Variants in CMYA5 observed in about 807,000 individuals in gnomAD.
CMYA5 encodes cardiomyopathy associated 5.
CMYA5 carries 246 observed loss-of-function variants against 318.9 expected under a neutral mutation model. The ratio of observed to expected loss-of-function variants is 0.77; its 90% CI spans 0.70 to 0.86. CMYA5 has a LOEUF of 0.86. CMYA5 is among the 40% of genes least tolerant of loss of function. The pLI is 0.00. For missense variants in CMYA5, 4,589 were observed against 4,678.2 expected (o/e 0.98, Z 0.56); for synonymous variants, 1,641 against 1,729.5 (o/e 0.95, Z 1.27).
chr5:79,774,245 G>A (rs796114923), intron 9 of CMYA5: 9 of 152,296 alleles, frequency 5.9e-5, no homozygotes, highest in African/African-American at 7.2e-5. Flanking sequence ...TGTGGGCACC[G>A]AGGAGGCTCG....
intron 2 of CMYA5, among the ~76,000 whole-genome samples, chr5:79,742,678 T>G (rs768152774): frequency 2.6e-5 from 4 of 152,104 alleles, no homozygotes; most frequent in Non-Finnish European, 5.9e-5. Flanking sequence ...TTTATTTTCT[T>G]CATTTACTCA....
chr5:79,735,138 G>A lies in CMYA5; in HGVS notation c.6373G>A (p.Glu2125Lys). 3 of 1,613,654 alleles carry A rather than the reference G, an allele frequency of 1.9e-6. No homozygotes were observed. The highest frequency in any genetic ancestry group is 2.2e-5 in the East Asian group (1 of 44,880). ...TGATGAGGGAAAGAAACCATCACCTGAAGTAAAAATACCCACACAAAGAAA... is the reference window on the plus strand; with the variant it reads ...TGATGAGGGAAAGAAACCATCACCTAAAGTAAAAATACCCACACAAAGAAA... Reference protein sequence around the residue: ...DADEGKKPSPEVKIPTQRKPI... With the variant: ...DADEGKKPSPKVKIPTQRKPI... Residue 2125 changes from glutamate to lysine, a missense_variant, in exon 2 of 13, where the codon GAA becomes AAA. Physicochemically the swap from Glu to Lys is moderately conservative, Grantham distance 56. Around this residue, in one of 3 missense-constraint regions of CMYA5, gnomAD observed 2,431 missense variants for 2,495.1 expected, o/e 0.97. Transcript: ENST00000446378.
At position 79,775,513 on chromosome 5, in the gene CMYA5, C is replaced by T. The variant is rs1828922748; in HGVS notation, c.11555+12304C>T. ...CAAAATTTAAATCTGAACTTACTGG[C>T]AGCTAAAGAGAAAACAGGAGAGAGG... On this transcript the variant is annotated intron_variant, in intron 9 of 12. Coordinates refer to ENST00000446378, the MANE Select transcript of CMYA5 (RefSeq NM_153610.5). Among the ~76,000 whole-genome samples the T allele has an allele frequency of 3.3e-5, 5 of 152,080 alleles. No individual in the cohort carries two copies. In the South Asian group the frequency reaches 1.0e-3, roughly 32 times the overall value.
At chr5:79,707,564 A>G (rs1248309884) in intron 1 of CMYA5, among the ~76,000 whole-genome samples, 2 of 152,242 alleles carry the variant, frequency 1.3e-5, no homozygotes, top group African/African-American at 2.4e-5. Flanking sequence ...GTGAGTTTAC[A>G]TATCTTCAAA....
chr5:79,787,836 T>G (rs1829107314), intron 9 of CMYA5, among the ~76,000 whole-genome samples: 1 of 152,220 alleles, frequency 6.6e-6, no homozygotes. Flanking sequence ...GTTTGTTTTC[T>G]GGGCCAAGAA....
chr5:79,750,650 A>G (rs1828412427), intron 5 of CMYA5, among the ~76,000 whole-genome samples: 1 of 152,242 alleles, frequency 6.6e-6, no homozygotes, highest in African/African-American at 2.4e-5. Flanking sequence ...GCTGTCAAGC[A>G]TATTTAGACT....
At chr5:79,761,386 T>C (rs576732637) in intron 7 of CMYA5, among the ~76,000 whole-genome samples, 15 of 152,354 alleles carry the variant, frequency 9.8e-5, no homozygotes, top group African/African-American at 3.1e-4. Context: ...TCTGTAAAGA[T>C]GTTTAAAAAC....
chr5:79,778,338 C>G (rs1179782691), intron 9 of CMYA5, among the ~76,000 whole-genome samples: 3 of 152,168 alleles, frequency 2.0e-5, no homozygotes, highest in Non-Finnish European at 2.9e-5. Flanking sequence ...TATTACTGAA[C>G]TGTCTCTATA....
chr5:79,737,574 T>A lies in CMYA5; in HGVS notation c.8809T>A (p.Ser2937Thr). 1 of 1,613,694 alleles carries A rather than the reference T, an allele frequency of 6.2e-7. No homozygotes were observed. Among genetic ancestry groups the A allele is most frequent in the South Asian group, 1.1e-5 (1 of 91,036 alleles). The change falls in exon 2 of 13, where the codon TCA (serine) becomes ACA (threonine). Residue 2937 changes from serine (S) to threonine (T), a missense_variant. Around this residue, in one of 3 missense-constraint regions of CMYA5, gnomAD observed 2,431 missense variants for 2,495.1 expected, o/e 0.97. Transcript: ENST00000446378. Reference protein sequence around the residue: ...FTVTSKPAGLSEDQKTAFSII... With the variant: ...FTVTSKPAGLTEDQKTAFSII... The stretch of plus-strand genomic sequence containing the variant: ...AGTGACTAGTAAGCCAGCCGGACTT[T>A]CAGAAGATCAGAAGACTGCCTTTAG...
chr5:79,702,747 A>C (rs990649296), intron 1 of CMYA5, among the ~76,000 whole-genome samples: 1 of 152,228 alleles, frequency 6.6e-6, no homozygotes, highest in Non-Finnish European at 1.5e-5. Flanking sequence ...TAAAAGGGTG[A>C]ATTTTATAGT....
At position 79,731,606 on chromosome 5, in the gene CMYA5, AG is replaced by A. The variant is rs767245588; in HGVS notation, c.2842del (p.Asp948IlefsTer31). On this transcript the variant is annotated frameshift_variant, in exon 2 of 13. Coordinates refer to ENST00000446378, the MANE Select transcript of CMYA5 (RefSeq NM_153610.5). LOFTEE classifies it high-confidence loss of function. ...AAGAAGACATTGGACCTTTTTCTCC[AG>A]ATTCTGCATTTGTGTCAGAATTCTC... Reference protein sequence around the residue: ...DQEDIGPFSPDSAFVSEFSFP... With the variant: ...DQEDIGPFSPXSAFVSEFSFP... The A allele has an allele frequency of 3.0e-5, 49 of 1,613,460 alleles. No homozygotes were observed. In the African/African-American group the frequency reaches 6.3e-4, roughly 21 times the overall value.
rs987154466 is a variant in CMYA5 at position 79,729,293 on chromosome 5, A to C, written c.528A>C (p.Val176=). Residue 176 remains valine, a synonymous_variant, in exon 2 of 13, where the codon GTA becomes GTC. Transcript: ENST00000446378. ...GTCCTTTAACTTCAGCAAGCCAGGTACTAACCACGGAGAAAGAGAAGTCAT... is the reference window on the plus strand; with the variant it reads ...GTCCTTTAACTTCAGCAAGCCAGGTCCTAACCACGGAGAAAGAGAAGTCAT... ...KGSPLTSASQ[V]LTTEKEKSYT... 1.9e-6 allele frequency: 3 copies of C among 1,611,244 alleles called. No individual in the cohort carries two copies. In the Admixed American group the frequency reaches 5.1e-5, roughly 27 times the overall value.
Position 79,760,040 on chromosome 5 carries a change from A to G in CMYA5, c.11260+1138A>G, listed in dbSNP as rs1468766200. Among the ~76,000 whole-genome samples the G allele has an allele frequency of 2.0e-5, 3 of 152,196 alleles. No individual in the cohort carries two copies. In the East Asian group the frequency reaches 5.8e-4, roughly 29 times the overall value. On this transcript the variant is annotated intron_variant, in intron 7 of 12. Coordinates refer to ENST00000446378, the MANE Select transcript of CMYA5 (RefSeq NM_153610.5). The stretch of plus-strand genomic sequence containing the variant: ...GTACATGACCGGGGGCAGGAGTCAA[A>G]CACACATCTTTCAGGCTCCAAAGTT...
At chr5:79,743,715 G>C (rs1217091915) in intron 2 of CMYA5, 112 bp from the exon 3 acceptor site, 2 of 567,410 alleles carry the variant, frequency 3.5e-6, no homozygotes, top group Non-Finnish European at 6.1e-6. Context: ...AGTGGATATA[G>C]TATAGTAAGT....
intron 12 of CMYA5, among the ~76,000 whole-genome samples, chr5:79,793,916 C>T (rs1829226344): frequency 6.6e-6 from 1 of 152,122 alleles, no homozygotes; most frequent in Non-Finnish European, 1.5e-5. Flanking sequence ...AGAGTTGGTG[C>T]CTGGAGAAGC....
chr5:79,735,549 G>A lies in CMYA5; in HGVS notation c.6784G>A (p.Val2262Ile), dbSNP rs6859595. Residue 2262 changes from valine (V) to isoleucine (I), a missense_variant, in exon 2 of 13, where the codon GTT becomes ATT. Physicochemically the swap from Val to Ile is conservative, Grantham distance 29. Coordinates refer to ENST00000446378, the MANE Select transcript of CMYA5 (RefSeq NM_153610.5). The part of the protein sequence containing the change: ...TLVKSGDGQN[V>I]KEKSMILSNV... ...AGTAAAATCTGGTGACGGTCAAAAC[G>A]TTAAAGAAAAATCCATGATTTTATC... 3.7e-6 allele frequency: 6 copies of A among 1,612,256 alleles called. No individual in the cohort carries two copies. Among genetic ancestry groups the A allele is most frequent in the South Asian group, 1.1e-5 (1 of 90,594 alleles).
intron 7 of CMYA5, among the ~76,000 whole-genome samples, chr5:79,759,813 A>G (rs1251856586): frequency 6.6e-6 from 1 of 150,766 alleles, no homozygotes; most frequent in Non-Finnish European, 1.5e-5. Flanking sequence ...GTCATGTGAT[A>G]ATTAATTTAG....
chr5:79,756,329 T>C (rs775682749), intron 6 of CMYA5, among the ~76,000 whole-genome samples: 3 of 152,162 alleles, frequency 2.0e-5, no homozygotes, highest in Non-Finnish European at 2.9e-5. Context: ...GATGGGTCCC[T>C]CCTTCAGCCC....
chr5:79,747,938 T>C (rs1828358585), intron 5 of CMYA5, among the ~76,000 whole-genome samples: 1 of 152,232 alleles, frequency 6.6e-6, no homozygotes, highest in African/African-American at 2.4e-5. Flanking sequence ...ATCAGAAATT[T>C]GTATCTATAA....
Sources: allele counts gnomAD v4.1 joint callset (sites outside exome capture counted in the v4.1 genomes callset), GRCh38; gene constraint gnomAD v4.1.1; regional missense constraint gnomAD v4.1.1; transcripts MANE v1.5; gene names NCBI Gene and HGNC (gene_info 2026-07-23, HGNC 2026-07-21).